Variants in ADD2 observed in about 807,000 individuals in gnomAD.
The protein encoded by ADD2 is beta-adducin.
In ADD2, 23 loss-of-function variants were observed where a neutral mutation model predicts 83.0. The ratio of observed to expected loss-of-function variants is 0.28; its 90% CI spans 0.20 to 0.39. The LOEUF is 0.39. ADD2 is among the 10% of genes least tolerant of loss of function. ADD2 has a pLI of 1.00. For synonymous variants in ADD2, 375 were observed against 375.4 expected (o/e 1.00, Z 0.01); for missense variants, 758 against 944.9 (o/e 0.80, Z 2.59).
chr2:70,734,497 C>G (rs1365708658), intron 1 of ADD2, among the ~76,000 whole-genome samples: 6 of 152,114 alleles, frequency 3.9e-5, no homozygotes, highest in Non-Finnish European at 5.9e-5. Context: ...GCTCCCAGGT[C>G]AGGGCACTTA....
chr2:70,675,712 G>T, intron 13 of ADD2: 3 of 985,454 alleles, frequency 3.0e-6, no homozygotes, highest in Non-Finnish European at 3.6e-6. Flanking sequence ...CAGGTCTTCT[G>T]CCCCTGGGCC....
In ADD2 at chr2:70,683,711, C is replaced by A. The variant is rs4982; in HGVS notation, c.1005G>T (p.Glu335Asp). The A allele has an allele frequency of 2.3e-3, 3,751 of 1,611,792 alleles. 83 individuals carry two copies. In the African/African-American group the frequency reaches 0.044, roughly 19 times the overall value. Reference sequence around the variant, plus strand: ...AGCCCACCTCATGGGGCCGGTGCTTCTCCTGCTCCAGGAGGATGAGGTTCT... The same window carrying A: ...AGCCCACCTCATGGGGCCGGTGCTTATCCTGCTCCAGGAGGATGAGGTTCT... ...GVENLILLEQ[E>D]KHRPHEVGSV... is the part of the protein sequence containing the mutation. The change falls in exon 10 of 16, where the codon GAG becomes GAT. Residue 335 changes from glutamate (E) to aspartate (D), a missense_variant. Physicochemically the swap from Glu to Asp is conservative, Grantham distance 45. Transcript: ENST00000264436.
chr2:70,744,427 AATAC>A (rs1453441089), intron 1 of ADD2, among the ~76,000 whole-genome samples: 1 of 152,228 alleles, frequency 6.6e-6, no homozygotes, highest in Non-Finnish European at 1.5e-5. Flanking sequence ...ATGTGTGGAC[AATAC>A]ATACAGACAT....
In ADD2 at chr2:70,658,872, C is replaced by G. The variant is rs2104113460; in HGVS notation, c.*4553G>C. ...AAAAGAAAAAACGTGTCAGCTGGCACAGTGGCTCATTCCTGTAATCCCAGC... is the reference window on the plus strand; with the variant it reads ...AAAAGAAAAAACGTGTCAGCTGGCAGAGTGGCTCATTCCTGTAATCCCAGC... On this transcript the variant is annotated 3_prime_UTR_variant, in exon 16 of 16. Coordinates refer to ENST00000264436, the MANE Select transcript of ADD2 (RefSeq NM_001617.4). 1 of 152,314 alleles carries G rather than the reference C, an allele frequency of 6.6e-6. No individual in the cohort carries two copies. The highest frequency in any genetic ancestry group is 2.1e-4 in the South Asian group (1 of 4,820). The allele number at this position is 152,314 out of a possible 1,614,324, so 9.4% of individuals were successfully genotyped here. A position where few individuals can be genotyped will look rare whatever the true frequency, so the allele number is the denominator to read the frequency against.
intron 1 of ADD2, among the ~76,000 whole-genome samples, chr2:70,764,509 G>C (rs1675282072): frequency 6.6e-6 from 1 of 151,948 alleles, no homozygotes; most frequent in African/African-American, 2.4e-5. Context: ...GGAGCCACCA[G>C]GCCTGCCCAT....
At chr2:70,663,805 G>T in intron 15 of ADD2, 70 bp from the exon 16 acceptor site, 2 of 1,471,828 alleles carry the variant, frequency 1.4e-6, no homozygotes, top group Non-Finnish European at 1.8e-6. Flanking sequence ...GGGGCTAACA[G>T]AACCATTTCT....
Position 70,713,179 on chromosome 2 carries a change from T to C in ADD2, c.-148A>G, listed in dbSNP as rs539311903. On this transcript the variant is annotated 5_prime_UTR_variant, in exon 2 of 16. Transcript: ENST00000264436. ...ATCTACACAACCTCAAACATCCAGG[T>C]GGAAACTGCAAAACACAAACACGAC... The C allele has an allele frequency of 3.4e-3, 3,386 of 985,320 alleles. 9 individuals are homozygous for C. Among genetic ancestry groups the C allele is most frequent in the Non-Finnish European group, 3.8e-3 (3,173 of 829,842 alleles). 61.0% of individuals were successfully genotyped at this position (985,320 alleles called of 1,614,324 possible).
chr2:70,664,556 G>T (rs1400765881), intron 15 of ADD2, among the ~76,000 whole-genome samples: 2 of 152,186 alleles, frequency 1.3e-5, no homozygotes, highest in African/African-American at 2.4e-5. Flanking sequence ...TAGAAAGCAA[G>T]GTAAATATTA....
intron 1 of ADD2, among the ~76,000 whole-genome samples, chr2:70,734,464 G>C (rs758327514): frequency 6.6e-6 from 1 of 152,112 alleles, no homozygotes; most frequent in Non-Finnish European, 1.5e-5. Flanking sequence ...GAAGCCTCTT[G>C]GGGTAAAAGG....
At chr2:70,673,596 G>T (rs1169111872) in intron 14 of ADD2, among the ~76,000 whole-genome samples, 2 of 151,224 alleles carry the variant, frequency 1.3e-5, no homozygotes, top group African/African-American at 4.9e-5. Context: ...GGGTTTTTTG[G>T]TTTTTGCTGT....
Position 70,767,805 on chromosome 2 carries a change from C to T in ADD2, c.-154+81G>A, listed in dbSNP as rs1048228541. On this transcript the variant is annotated intron_variant, in intron 1 of 15. Transcript: ENST00000264436. The stretch of plus-strand genomic sequence containing the variant: ...CCACCTGGGCCAAGCGGCTCCCGCC[C>T]GGCCGAGGGATGCCAGGGTCTCCGC... 5.3e-6 allele frequency: 8 copies of T among 1,515,750 alleles called. No homozygotes were observed. In the African/African-American group the frequency reaches 5.5e-5, roughly 11 times the overall value. 93.9% of individuals were successfully genotyped at this position (1,515,750 alleles called of 1,614,324 possible).
rs1675442078 is a variant in ADD2, at chr2:70,658,776, A to C, written c.*4649T>G. ...CATGTGTAAAATGAGTAAGGGGTAA[A>C]TGTTCTCTCATTTGTTCACTAGTCA... On this transcript the variant is annotated 3_prime_UTR_variant, in exon 16 of 16. Coordinates refer to ENST00000264436, the MANE Select transcript of ADD2 (RefSeq NM_001617.4). The C allele has an allele frequency of 6.6e-6, 1 of 152,216 alleles. No individual in the cohort carries two copies. Among genetic ancestry groups the C allele is most frequent in the African/African-American group, 2.4e-5 (1 of 41,450 alleles). 9.4% of individuals were successfully genotyped at this position (152,216 alleles called of 1,614,324 possible). A position where few individuals can be genotyped will look rare whatever the true frequency, so the allele number is the denominator to read the frequency against.
chr2:70,684,775 G>A (rs1441229239), intron 9 of ADD2, among the ~76,000 whole-genome samples: 3 of 152,216 alleles, frequency 2.0e-5, no homozygotes, highest in Non-Finnish European at 4.4e-5. Flanking sequence ...TGGACTTAGA[G>A]TGTCTGTCTC....
At position 70,768,053 on chromosome 2, in the gene ADD2, C is replaced by A; in HGVS notation, c.-321G>T. On this transcript the variant is annotated 5_prime_UTR_variant, in exon 1 of 16. Transcript: ENST00000264436. ...GCTCGTCAGAGCTGCTGGGAGATCC[C>A]CCAGCAGTGCAGCGGCTCCGCGGCG... The A allele has an allele frequency of 7.3e-7, 1 of 1,367,958 alleles. No homozygotes were observed. Among genetic ancestry groups the A allele is most frequent in the South Asian group, 1.4e-5 (1 of 70,946 alleles). The allele number at this position is 1,367,958 out of a possible 1,614,324, so 84.7% of individuals were successfully genotyped here.
At chr2:70,703,470 G>C (rs1239511854) in intron 4 of ADD2, among the ~76,000 whole-genome samples, 1 of 152,194 alleles carries the variant, frequency 6.6e-6, no homozygotes, top group Non-Finnish European at 1.5e-5. Flanking sequence ...TTGGAGAAAG[G>C]ATGTAATCTG....
Position 70,693,883 on chromosome 2 carries a change from C to T in ADD2, c.556-1331G>A, listed in dbSNP as rs370775441. ...CTAATACAGCAGCCACCCTCCCATACGGTGCCTTTGTACAAATGAGAAAGC... is the reference window on the plus strand; with the variant it reads ...CTAATACAGCAGCCACCCTCCCATATGGTGCCTTTGTACAAATGAGAAAGC... On this transcript the variant is annotated intron_variant, in intron 6 of 15. Transcript: ENST00000264436. Among the ~76,000 whole-genome samples, 14 of 152,354 alleles carry T rather than the reference C, an allele frequency of 9.2e-5. No homozygotes were observed. The East Asian group carries it at 2.1e-3, about 23-fold the overall frequency.
chr2:70,678,768 T>G lies in ADD2; in HGVS notation c.1319A>C (p.Tyr440Ser), dbSNP rs1553368922. The G allele has an allele frequency of 1.7e-5, 27 of 1,611,716 alleles. No homozygotes were observed. The highest frequency in any genetic ancestry group is 2.3e-5 in the Non-Finnish European group (27 of 1,178,852). Residue 440 changes from tyrosine to serine, a missense_variant, in exon 11 of 16, where the codon TAC becomes TCC. Tyr to Ser is a moderately radical substitution (Grantham distance 144). Transcript: ENST00000264436. ...KTRWLNTPNTYLRVNVADEVQ... is the reference protein window; with the variant it reads ...KTRWLNTPNTSLRVNVADEVQ... ...CTCATCGGCCACATTGACCCGCAGG[T>G]AGGTGTTGGGCGTATTGAGCCAGCG...
At chr2:70,732,498 T>C (rs2104471134) in intron 1 of ADD2, among the ~76,000 whole-genome samples, 1 of 152,336 alleles carries the variant, frequency 6.6e-6, no homozygotes, top group East Asian at 1.9e-4. Flanking sequence ...GGCAAGGCAC[T>C]AAGCTGGCAT....
chr2:70,692,642 C>T (rs1400039758), intron 6 of ADD2, 90 bp from the exon 7 acceptor site: 2 of 1,346,122 alleles, frequency 1.5e-6, no homozygotes, highest in African/African-American at 2.9e-5. Context: ...ATGTGCCGCC[C>T]ACCTGTCTTC....
Sources: gnomAD v4.1 joint callset for allele counts (sites outside exome capture counted in the v4.1 genomes callset) on GRCh38, gnomAD v4.1.1 for gene constraint, MANE v1.5 for transcripts, NCBI Gene and HGNC (gene_info 2026-07-23, HGNC 2026-07-21) for gene names.